ABI3BP: variants seen among roughly 807,000 people sequenced by gnomAD.
ABI3BP encodes the protein ABI family member 3 binding protein.
ABI3BP carries 216 observed loss-of-function variants against 268.6 expected under a neutral mutation model. That is an observed-to-expected ratio of 0.80 (90% CI 0.72 to 0.90). The LOEUF is 0.90. Ranked by LOEUF, ABI3BP falls within the 40% of genes least tolerant of loss-of-function variation. ABI3BP has a pLI of 0.00. For missense variants in ABI3BP, 2,090 were observed against 2,182.4 expected (o/e 0.96, Z 0.84); for synonymous variants, 730 against 730.0 (o/e 1.00, Z 0.00).
rs2098712244 is a variant in ABI3BP, at chr3:100,842,015, G to A, written c.1748C>T (p.Pro583Leu). 6.5e-7 allele frequency: 1 copy of A among 1,534,492 alleles called. No individual in the cohort carries two copies. Among genetic ancestry groups the A allele is most frequent in the African/African-American group, 1.4e-5 (1 of 72,940 alleles). ...TTTATTACCTATTGTTGACTGTGAT[G>A]GCAGTAGAGTCTGAGGTTCTGGGGC... ...KPAPEPQTLL[P>L]SQSTIGPETP... Residue 583 changes from proline (P) to leucine (L), a missense_variant, in exon 21 of 68, where the codon CCA (proline) becomes CTA (leucine). Pro to Leu is a moderately conservative substitution (Grantham distance 98). Coordinates refer to ENST00000471714, the MANE Select transcript of ABI3BP (RefSeq NM_001375547.2).
intron 62 of ABI3BP, 44 bp from the exon 63 acceptor site, chr3:100,765,993 G>C: frequency 6.9e-7 from 1 of 1,449,308 alleles, no homozygotes; most frequent in Non-Finnish European, 9.5e-7. Flanking sequence ...TTTATTTCTT[G>C]GCTGACTTAA....
chr3:100,827,127 G>C (rs2098401716), intron 34 of ABI3BP, among the ~76,000 whole-genome samples: 1 of 152,020 alleles, frequency 6.6e-6, no homozygotes, highest in Non-Finnish European at 1.5e-5. Flanking sequence ...CCTACAATAA[G>C]TCTAACACTT....
rs374450255 is a variant in ABI3BP at position 100,954,332 on chromosome 3, C to T, written c.80-27851G>A. On this transcript the variant is annotated intron_variant, in intron 1 of 67. Coordinates refer to ENST00000471714, the MANE Select transcript of ABI3BP (RefSeq NM_001375547.2). ...TTTTTTCTTTTGGTAAAATTATAAA[C>T]AAGGACAAAGAAGGCTGGGAATCAT... Among the ~76,000 whole-genome samples, 9 of 152,108 alleles carry T rather than the reference C, an allele frequency of 5.9e-5. No homozygotes were observed. In the East Asian group the frequency reaches 9.7e-4, roughly 16 times the overall value.
chr3:100,782,410 G>C lies in ABI3BP; in HGVS notation c.4163-2201C>G, dbSNP rs144835468. On this transcript the variant is annotated intron_variant, in intron 57 of 67. Coordinates refer to ENST00000471714, the MANE Select transcript of ABI3BP (RefSeq NM_001375547.2). The stretch of plus-strand genomic sequence containing the variant: ...ATTTTCTATGTAGGTGGAGACAGAG[G>C]CATCATATTCTTATGATCCTTAGAC... Among the ~76,000 whole-genome samples the C allele has an allele frequency of 2.1e-3, 321 of 152,210 alleles. 4 individuals are homozygous for C. Among genetic ancestry groups the C allele is most frequent in the African/African-American group, 7.2e-3 (301 of 41,536 alleles).
At chr3:100,861,748 T>C (rs2099001182) in intron 14 of ABI3BP, among the ~76,000 whole-genome samples, 1 of 150,934 alleles carries the variant, frequency 6.6e-6, no homozygotes, top group Non-Finnish European at 1.5e-5. Context: ...ACCAATACCT[T>C]CCAAAAGTAG....
intron 21 of ABI3BP, among the ~76,000 whole-genome samples, chr3:100,841,464 G>T (rs1453822014): frequency 6.6e-6 from 1 of 152,048 alleles, no homozygotes; most frequent in African/African-American, 2.4e-5. Context: ...TGTAATTGAA[G>T]GAGAATAAAG....
At chr3:100,954,195 G>C (rs1050347501) in intron 1 of ABI3BP, among the ~76,000 whole-genome samples, 28 of 152,094 alleles carry the variant, frequency 1.8e-4, no homozygotes, top group African/African-American at 5.8e-4. Flanking sequence ...TAATTCAATG[G>C]TCATATGAAA....
intron 58 of ABI3BP, among the ~76,000 whole-genome samples, chr3:100,778,916 G>T (rs73861213): frequency 0.13 from 19,155 of 152,156 alleles, 1,268 homozygotes; most frequent in Middle Eastern, 0.16. Context: ...ACCAAGAGAT[G>T]ACTGTACACA....
chr3:100,870,431 A>G lies in ABI3BP; in HGVS notation c.911-3475T>C, dbSNP rs1361184372. ...GAAGACATAAAAATGGCTAACAGGTATAAAAAAAAAAGTGCTCAACGTCAC... is the reference window on the plus strand; with the variant it reads ...GAAGACATAAAAATGGCTAACAGGTGTAAAAAAAAAAGTGCTCAACGTCAC... On this transcript the variant is annotated intron_variant, in intron 9 of 67. Transcript: ENST00000471714. Among the ~76,000 whole-genome samples, 7 of 151,186 alleles carry G rather than the reference A, an allele frequency of 4.6e-5. No homozygotes were observed. In the East Asian group the frequency reaches 1.2e-3, roughly 25 times the overall value.
At position 100,862,918 on chromosome 3, in the gene ABI3BP, A is replaced by G; in HGVS notation, c.1139-9T>C. 6.5e-7 allele frequency: 1 copy of G among 1,532,284 alleles called. No homozygotes were observed. Among genetic ancestry groups the G allele is most frequent in the East Asian group, 2.4e-5 (1 of 40,840 alleles). The allele number at this position is 1,532,284 out of a possible 1,614,324, so 94.9% of individuals were successfully genotyped here. ...TGGAAGGCTTTTTGGAGCTGTAATG[A>G]AACACATAAAGAAAGTTACGACCTG... On this transcript the variant is annotated splice_polypyrimidine_tract_variant and intron_variant, in intron 12 of 67. Transcript: ENST00000471714.
At chr3:100,806,022 C>T (rs577735185) in intron 50 of ABI3BP, among the ~76,000 whole-genome samples, 27 of 152,058 alleles carry the variant, frequency 1.8e-4, no homozygotes, top group South Asian at 1.7e-3. Flanking sequence ...AATAATATTG[C>T]TATTACCTAT....
chr3:100,766,034 C>T, intron 62 of ABI3BP, 85 bp from the exon 63 acceptor site: 1 of 995,026 alleles, frequency 1.0e-6, no homozygotes, highest in Non-Finnish European at 1.5e-6. Context: ...ATAAAAAAGC[C>T]ACTTACATAA....
intron 59 of ABI3BP, among the ~76,000 whole-genome samples, chr3:100,777,625 A>G (rs1381820234): frequency 6.6e-6 from 1 of 152,210 alleles, no homozygotes; most frequent in Admixed American, 6.5e-5. Flanking sequence ...CAGTGCCAAG[A>G]CTACCTTGAG....
At chr3:100,848,250 A>G (rs943980722) in intron 18 of ABI3BP, among the ~76,000 whole-genome samples, 6 of 152,346 alleles carry the variant, frequency 3.9e-5, no homozygotes, top group Admixed American at 2.0e-4. Context: ...CATCACTCGA[A>G]TGAACATTAT....
intron 4 of ABI3BP, among the ~76,000 whole-genome samples, chr3:100,893,480 C>G (rs2045734615): frequency 6.6e-6 from 1 of 151,770 alleles, no homozygotes; most frequent in South Asian, 2.1e-4. Context: ...ATAAAAATGT[C>G]AAAGAAAGAA....
chr3:100,980,693 G>A (rs1377502835), intron 1 of ABI3BP, among the ~76,000 whole-genome samples: 1 of 152,216 alleles, frequency 6.6e-6, no homozygotes, highest in African/African-American at 2.4e-5. Flanking sequence ...GGAGATCAAA[G>A]AAAGAGGTTT....
intron 1 of ABI3BP, among the ~76,000 whole-genome samples, chr3:100,949,222 A>T (rs1477066989): frequency 9.2e-5 from 14 of 152,178 alleles, no homozygotes; most frequent in Non-Finnish European, 2.1e-4. Context: ...GGCACAGTTT[A>T]ACGATCATCT....
At chr3:100,984,306 C>T (rs974464122) in intron 1 of ABI3BP, among the ~76,000 whole-genome samples, 1 of 152,146 alleles carries the variant, frequency 6.6e-6, no homozygotes, top group African/African-American at 2.4e-5. Flanking sequence ...TATTTATAGT[C>T]ATAGGTAAAC....
At chr3:100,983,452 C>G (rs955370916) in intron 1 of ABI3BP, among the ~76,000 whole-genome samples, 2 of 152,166 alleles carry the variant, frequency 1.3e-5, no homozygotes, top group Non-Finnish European at 2.9e-5. Flanking sequence ...ATATTTTGCA[C>G]TGAAATCATG....
Sources: allele counts gnomAD v4.1 joint callset (sites outside exome capture counted in the v4.1 genomes callset), GRCh38; gene constraint gnomAD v4.1.1; transcripts MANE v1.5; gene names NCBI Gene and HGNC (gene_info 2026-07-23, HGNC 2026-07-21).